The following SRRM4 variants were observed in gnomAD, a reference collection of about 807,000 sequenced individuals.
SRRM4 encodes the protein serine/arginine repetitive matrix protein 4.
A neutral mutation model predicts 68.9 loss-of-function variants in SRRM4; 33 were observed. That is an observed-to-expected ratio of 0.48 (90% CI 0.36 to 0.64). The LOEUF is 0.64. Ranked by LOEUF, SRRM4 falls within the 30% of genes least tolerant of loss-of-function variation. SRRM4 has a pLI of 0.00. For missense variants in SRRM4, 817 were observed against 827.1 expected, an observed-to-expected ratio of 0.99 and a Z score of 0.15; for synonymous variants, 318 against 318.8, an observed-to-expected ratio of 1.00 and a Z score of 0.03.
chr12:119,010,637 T>A (rs779464394), intron 1 of SRRM4, among the ~76,000 whole-genome samples: 2 of 152,208 alleles, frequency 1.3e-5, no homozygotes, highest in Non-Finnish European at 2.9e-5. Context: ...GAATATGATA[T>A]TTCAGCATTT....
At chr12:119,111,950 G>A (rs1954146667) in intron 2 of SRRM4, among the ~76,000 whole-genome samples, 1 of 152,056 alleles carries the variant, frequency 6.6e-6, no homozygotes, top group South Asian at 2.1e-4. Flanking sequence ...GAAGGCTGAG[G>A]CAGGAGAATC....
At chr12:119,105,598 G>A (rs1201530652) in intron 2 of SRRM4, among the ~76,000 whole-genome samples, 1 of 151,502 alleles carries the variant, frequency 6.6e-6, no homozygotes, top group Non-Finnish European at 1.5e-5. Flanking sequence ...TCATGTGTCT[G>A]TTGGCTGCAT....
intron 8 of SRRM4, among the ~76,000 whole-genome samples, chr12:119,137,962 G>A (rs1041718185): frequency 2.0e-5 from 3 of 151,920 alleles, no homozygotes; most frequent in African/African-American, 4.8e-5. Flanking sequence ...GATGTACCAG[G>A]TTTATGTTAC....
chr12:119,122,107 A>C lies in SRRM4; in HGVS notation c.502A>C (p.Arg168=). 2.5e-6 allele frequency: 4 copies of C among 1,610,552 alleles called. No homozygotes were observed. The highest frequency in any genetic ancestry group is 3.4e-6 in the Non-Finnish European group (4 of 1,176,740). Residue 168 remains arginine, a synonymous_variant, in exon 6 of 13, where the codon AGG becomes CGG. Transcript: ENST00000267260. Reference sequence around the variant, plus strand: ...AAAAAGCAAAAGAAGAGATGAGAAGAGGCACAAGAAACAGTAAGTAGATAC... The same window carrying C: ...AAAAAGCAAAAGAAGAGATGAGAAGCGGCACAAGAAACAGTAAGTAGATAC... The part of the protein sequence containing the change: ...SPKSKRRDEK[R]HKKQSRSRPR...
At chr12:119,095,983 A>T (rs1954041903) in intron 1 of SRRM4, among the ~76,000 whole-genome samples, 1 of 146,308 alleles carries the variant, frequency 6.8e-6, no homozygotes, top group Non-Finnish European at 1.5e-5. Context: ...AAAAAAGAAA[A>T]TGTTTTCCAG....
chr12:119,052,710 A>G (rs548074400), intron 1 of SRRM4, among the ~76,000 whole-genome samples: 1 of 151,936 alleles, frequency 6.6e-6, no homozygotes, highest in Admixed American at 6.6e-5. Flanking sequence ...TTGTATTTTT[A>G]GTAGAGATGG....
At chr12:119,150,776 C>A (rs78054679) in intron 9 of SRRM4, among the ~76,000 whole-genome samples, 14 of 152,138 alleles carry the variant, frequency 9.2e-5, no homozygotes, top group African/African-American at 3.4e-4. Context: ...GTGGCCCCAG[C>A]GGTATGTGTT....
intron 7 of SRRM4, among the ~76,000 whole-genome samples, chr12:119,127,122 G>A (rs1342505322): frequency 6.7e-6 from 1 of 150,010 alleles, no homozygotes; most frequent in Non-Finnish European, 1.5e-5. Context: ...TGATGAGTTA[G>A]TGGGTGCAGC....
At chr12:119,148,697 G>A (rs1047168136) in intron 9 of SRRM4, among the ~76,000 whole-genome samples, 3 of 152,148 alleles carry the variant, frequency 2.0e-5, no homozygotes, top group African/African-American at 7.2e-5. Context: ...ATACAAATAT[G>A]TCCCCCAAAC....
chr12:119,017,460 C>A (rs1170497960), intron 1 of SRRM4, among the ~76,000 whole-genome samples: 1 of 152,188 alleles, frequency 6.6e-6, no homozygotes, highest in African/African-American at 2.4e-5. Flanking sequence ...TGTGTCTGGG[C>A]TGAAGACTCA....
intron 6 of SRRM4, among the ~76,000 whole-genome samples, chr12:119,122,911 C>A (rs997559710): frequency 6.6e-6 from 1 of 152,110 alleles, no homozygotes; most frequent in Non-Finnish European, 1.5e-5. Context: ...AGTCTTGGGG[C>A]CCCAGCTGTT....
chr12:119,110,819 C>G (rs1465129633), intron 2 of SRRM4, among the ~76,000 whole-genome samples: 1 of 152,212 alleles, frequency 6.6e-6, no homozygotes, highest in East Asian at 1.9e-4. Context: ...GCTCCGTGGG[C>G]TGCACCCACT....
chr12:119,149,067 C>T (rs56213849), intron 9 of SRRM4, among the ~76,000 whole-genome samples: 2 of 152,124 alleles, frequency 1.3e-5, no homozygotes, highest in Admixed American at 1.3e-4. Flanking sequence ...ATAGCATTGG[C>T]AGCTGGGCGC....
At chr12:119,099,898 C>T (rs1565907921) in intron 1 of SRRM4, among the ~76,000 whole-genome samples, 1 of 152,192 alleles carries the variant, frequency 6.6e-6, no homozygotes, top group African/African-American at 2.4e-5. Flanking sequence ...GTGACCAAGT[C>T]TTGAAGGTCA....
At chr12:119,070,891 A>G (rs1592886122) in intron 1 of SRRM4, among the ~76,000 whole-genome samples, 1 of 152,178 alleles carries the variant, frequency 6.6e-6, no homozygotes, top group African/African-American at 2.4e-5. Context: ...GCCTGATTTC[A>G]GAAATGCCAG....
chr12:119,021,520 G>A (rs1257808372), intron 1 of SRRM4, among the ~76,000 whole-genome samples: 1 of 152,196 alleles, frequency 6.6e-6, no homozygotes, highest in Non-Finnish European at 1.5e-5. Flanking sequence ...CAAGATGTCT[G>A]TGTGCACACC....
intron 1 of SRRM4, among the ~76,000 whole-genome samples, chr12:119,021,977 T>C (rs1953519072): frequency 6.6e-6 from 1 of 152,154 alleles, no homozygotes; most frequent in Non-Finnish European, 1.5e-5. Context: ...ATGGTATTTC[T>C]TGTTCTAGAT....
intron 1 of SRRM4, among the ~76,000 whole-genome samples, chr12:119,007,587 C>T (rs1220476696): frequency 1.3e-5 from 2 of 152,122 alleles, no homozygotes; most frequent in East Asian, 1.9e-4. Flanking sequence ...AGGCATCTAT[C>T]AAAAGAAATT....
intron 1 of SRRM4, among the ~76,000 whole-genome samples, chr12:119,048,380 G>C (rs539757283): frequency 6.6e-6 from 1 of 152,262 alleles, no homozygotes; most frequent in African/African-American, 2.4e-5. Context: ...GACATATTTA[G>C]CGAGCCCATG....
Sources: allele counts gnomAD v4.1 joint callset (sites outside exome capture counted in the v4.1 genomes callset), GRCh38; gene constraint gnomAD v4.1.1; transcripts MANE v1.5; gene names NCBI Gene and HGNC (gene_info 2026-07-23, HGNC 2026-07-21).